LYST: variants seen among roughly 807,000 people sequenced by gnomAD.
LYST encodes lysosomal trafficking regulator.
LYST carries 192 observed loss-of-function variants against 413.6 expected under a neutral mutation model. The ratio of observed to expected loss-of-function variants is 0.46; its 90% confidence interval spans 0.41 to 0.52. The LOEUF (loss-of-function observed/expected upper bound fraction) is 0.52. LYST is among the 20% of genes least tolerant of loss of function. LYST has a pLI of 0.00. For synonymous variants in LYST, 1,525 were observed against 1,567.3 expected (o/e 0.97, Z 0.64); for missense variants, 3,815 against 4,499.9 (o/e 0.85, Z 4.35).
intron 50 of LYST, among the ~76,000 whole-genome samples, chr1:235,666,656 T>G (rs1658514413): frequency 6.6e-6 from 1 of 150,928 alleles, no homozygotes; most frequent in African/African-American, 2.4e-5. Context: ...TTCTACTAAG[T>G]TTTCCCATTG....
At chr1:235,773,294 G>T (rs1198672072) in intron 19 of LYST, among the ~76,000 whole-genome samples, 1 of 151,298 alleles carries the variant, frequency 6.6e-6, no homozygotes, top group African/African-American at 2.4e-5. Flanking sequence ...CTCCAGCCTG[G>T]GCAAAAGAGT....
chr1:235,713,555 C>T (rs1267075314), intron 42 of LYST, among the ~76,000 whole-genome samples: 1 of 152,138 alleles, frequency 6.6e-6, no homozygotes, highest in Non-Finnish European at 1.5e-5. Context: ...CTTTTGCCCT[C>T]CAGGGGTTAT....
chr1:235,880,788 G>A (rs1295124967), intron 1 of LYST, among the ~76,000 whole-genome samples: 1 of 152,016 alleles, frequency 6.6e-6, no homozygotes, highest in Non-Finnish European at 1.5e-5. Flanking sequence ...TTTTTCTTAC[G>A]CAAATGGGAA....
intron 18 of LYST, among the ~76,000 whole-genome samples, chr1:235,774,497 A>G (rs1286159842): frequency 2.0e-5 from 3 of 152,204 alleles, no homozygotes; most frequent in African/African-American, 7.2e-5. Context: ...ATGAGCACGA[A>G]TATCTGTGAC....
In LYST at chr1:235,791,739, G is replaced by A. The variant is rs1257472092; in HGVS notation, c.4503C>T (p.Asn1501=). 1 of 1,613,092 alleles carries A rather than the reference G, an allele frequency of 6.2e-7. No homozygotes were observed. The highest frequency in any genetic ancestry group is 8.5e-7 in the Non-Finnish European group (1 of 1,179,230). ...TEKGKKIKKR[N]KSLILPDSSF... ...TGCTATCTGGTAAAATTAATGATTT[G>A]TTTCTTTTCTTTATCTTCTTTCCTT... The change falls in exon 12 of 53, where the codon AAC becomes AAT. Residue 1501 remains asparagine (N), a synonymous_variant. Coordinates refer to ENST00000389793, the MANE Select transcript of LYST (RefSeq NM_000081.4).
chr1:235,736,460 C>T (rs1235463546), intron 31 of LYST: 1 of 151,702 alleles, frequency 6.6e-6, no homozygotes, highest in Non-Finnish European at 1.5e-5. Context: ...TGCTGGTGGA[C>T]AATATGAATA....
rs1388225971 is a variant in LYST at position 235,854,926 on chromosome 1, C to T, written c.-98+11917G>A. 6.6e-6 allele frequency among the ~76,000 whole-genome samples: 1 copy of T among 152,170 alleles called. No individual in the cohort carries two copies. The highest frequency in any genetic ancestry group is 1.5e-5 in the Non-Finnish European group (1 of 68,028). On this transcript the variant is annotated intron_variant, in intron 1 of 52. Coordinates refer to ENST00000389793, the MANE Select transcript of LYST (RefSeq NM_000081.4). The surrounding 1 kb of genome is among the most constrained non-coding windows in gnomAD (Gnocchi z 4.1). ...ATCCCTTGGAATGACAAATGTCACT[C>T]CAATTCATAGGGAAGAAGATCCCAA...
chr1:235,817,511 A>G (rs1010693434), intron 3 of LYST, among the ~76,000 whole-genome samples: 1 of 152,262 alleles, frequency 6.6e-6, no homozygotes, highest in Non-Finnish European at 1.5e-5. Flanking sequence ...TGGCACATAT[A>G]CATCATGAAA....
rs774691112 is a variant in LYST at position 235,806,616 on chromosome 1, A to T, written c.2520T>A (p.Asp840Glu). 1.2e-6 allele frequency: 2 copies of T among 1,614,146 alleles called. No individual in the cohort carries two copies. Among genetic ancestry groups the T allele is most frequent in the Non-Finnish European group, 1.7e-6 (2 of 1,179,988 alleles). Residue 840 changes from aspartate (D) to glutamate (E), a missense_variant, in exon 6 of 53, where the codon GAT becomes GAA. Asp to Glu is a conservative substitution (Grantham distance 45). Coordinates refer to ENST00000389793, the MANE Select transcript of LYST (RefSeq NM_000081.4). ...ACTCCTTCTGTTCAATGTCTATCCC[A>T]TCAATATCTGGAACTGAGGCATCTT... is the stretch of plus-strand genomic sequence containing the variant. ...QQKDASVPDI[D>E]GIDIEQKELS...
rs1238064600 is a variant in LYST at position 235,806,439 on chromosome 1, G to T, written c.2697C>A (p.Asn899Lys). The change falls in exon 6 of 53, where the codon AAC becomes AAA. Residue 899 changes from asparagine to lysine, a missense_variant. By Grantham distance (94) the Asn-to-Lys change is moderately conservative. This residue lies in a region of LYST where 1,648 missense variants were observed against 1,810.3 expected (regional missense o/e 0.91). Coordinates refer to ENST00000389793, the MANE Select transcript of LYST (RefSeq NM_000081.4). ...ATAAAAAAGCCACACAGAGGAATAGGTTTATTGTGTTGATATGAACATCTT... is the reference window on the plus strand; with the variant it reads ...ATAAAAAAGCCACACAGAGGAATAGTTTTATTGTGTTGATATGAACATCTT... ...VNQDVHINTI[N>K]LFLCVAFLCV... The T allele has an allele frequency of 1.2e-6, 2 of 1,613,998 alleles. No homozygotes were observed. The highest frequency in any genetic ancestry group is 1.1e-5 in the South Asian group (1 of 91,078).
intron 5 of LYST, among the ~76,000 whole-genome samples, 179 bp from the exon 6 acceptor site, chr1:235,806,951 T>C (rs1672911748): frequency 2.6e-5 from 4 of 152,218 alleles, no homozygotes; most frequent in Admixed American, 6.5e-5. Context: ...CTCAAGTTAC[T>C]TTCTAATTAC....
chr1:235,705,264 T>C (rs1294027682), intron 44 of LYST, among the ~76,000 whole-genome samples: 1 of 152,194 alleles, frequency 6.6e-6, no homozygotes, highest in Non-Finnish European at 1.5e-5. Flanking sequence ...ATAAGTTTTA[T>C]TAAATTCTTA....
Position 235,731,174 on chromosome 1 carries a change from T to G in LYST, c.8805A>C (p.Ala2935=), listed in dbSNP as rs1183398202. The G allele has an allele frequency of 6.2e-7, 1 of 1,613,964 alleles. No homozygotes were observed. Among genetic ancestry groups the G allele is most frequent in the African/African-American group, 1.3e-5 (1 of 74,930 alleles). The part of the protein sequence containing the change: ...ELIQQLTHDR[A]VWYDPIYYPT... ...GATAGTAGATGGGGTCATACCATAC[T>G]GCTCTGCAAGTAAAAAGATTAAAGG... The change falls in exon 35 of 53, where the codon GCA becomes GCC. Residue 2935 remains alanine, a synonymous_variant. Transcript: ENST00000389793.
intron 48 of LYST, among the ~76,000 whole-genome samples, chr1:235,679,125 T>C (rs946981630): frequency 2.2e-4 from 34 of 152,336 alleles, no homozygotes; most frequent in African/African-American, 7.9e-4. Context: ...AGCAACTGCC[T>C]GTTTAGCTAG....
At chr1:235,712,395 T>C in intron 42 of LYST, 198 bp from the exon 43 acceptor site, 1 of 488,888 alleles carries the variant, frequency 2.0e-6, no homozygotes, top group South Asian at 3.0e-5. Context: ...ATTTTTCATC[T>C]GTATTATGCT....
Position 235,773,965 on chromosome 1 carries a change from T to G in LYST, c.5661A>C (p.Glu1887Asp), listed in dbSNP as rs751813278. The change falls in exon 19 of 53, where the codon GAA becomes GAC. Residue 1887 changes from glutamate (E) to aspartate (D), a missense_variant. This residue lies in a region of LYST where 530 missense variants were observed against 696.5 expected (regional missense o/e 0.76). Coordinates refer to ENST00000389793, the MANE Select transcript of LYST (RefSeq NM_000081.4). ...LKTLLEGCCG[E>D]DIIYMNENGE... is the part of the protein sequence containing the mutation. ...CATTCTCATTCATATAAATAATATCTTCACCACAGCATCCTTCAAGAAGGG... is the reference window on the plus strand; with the variant it reads ...CATTCTCATTCATATAAATAATATCGTCACCACAGCATCCTTCAAGAAGGG... 1.2e-5 allele frequency: 20 copies of G among 1,605,586 alleles called. No homozygotes were observed. Among genetic ancestry groups the G allele is most frequent in the Non-Finnish European group, 1.7e-5 (20 of 1,172,524 alleles).
At chr1:235,841,261 G>C (rs1465810014) in intron 1 of LYST, among the ~76,000 whole-genome samples, 1 of 151,886 alleles carries the variant, frequency 6.6e-6, no homozygotes, top group Non-Finnish European at 1.5e-5. Context: ...GGCAGGATTA[G>C]AAAAGAAAAA....
At chr1:235,840,813 AT>A (rs945162232) in intron 1 of LYST, among the ~76,000 whole-genome samples, 1 of 152,320 alleles carries the variant, frequency 6.6e-6, no homozygotes, top group East Asian at 1.9e-4. Context: ...TGGTAAGGAT[AT>A]TTTTTTCTAA....
chr1:235,787,423 TCA>T, intron 13 of LYST, 50 bp from the exon 14 acceptor site: 1 of 1,440,092 alleles, frequency 6.9e-7, no homozygotes, highest in Non-Finnish European at 9.8e-7. Flanking sequence ...AATTCTGACC[TCA>T]GTGTTTAACA....
Sources: gnomAD v4.1 joint callset for allele counts (sites outside exome capture counted in the v4.1 genomes callset) on GRCh38, gnomAD v4.1.1 for gene constraint, gnomAD v4.1.1 regional missense constraint, Gnocchi (gnomAD v3.1) non-coding constraint, MANE v1.5 for transcripts, NCBI Gene and HGNC (gene_info 2026-07-23, HGNC 2026-07-21) for gene names.